BBS9: variants seen among roughly 807,000 people sequenced by gnomAD.
BBS9 encodes Bardet-Biedl syndrome 9.
Under a neutral mutation model 117.7 loss-of-function variants are expected in BBS9, and 89 were observed. That is an observed-to-expected ratio of 0.76 (90% CI 0.64 to 0.90). The LOEUF is 0.90. BBS9 is among the 40% of genes least tolerant of loss of function. The probability of loss-of-function intolerance (pLI) is 0.00; values close to 1 mark genes in which losing one functional copy is unlikely to be tolerated. For synonymous variants in BBS9, 379 were observed against 370.9 expected (o/e 1.02, Z -0.25); for missense variants, 982 against 1,042.2 (o/e 0.94, Z 0.80).
At chr7:33,482,180 G>A (rs942974768) in intron 19 of BBS9, among the ~76,000 whole-genome samples, 5 of 152,026 alleles carry the variant, frequency 3.3e-5, no homozygotes, top group Non-Finnish European at 5.9e-5. Context: ...GGAACATACT[G>A]TTTGTTCTCA....
chr7:33,530,126 C>A (rs1431121612), intron 20 of BBS9, among the ~76,000 whole-genome samples: 1 of 152,154 alleles, frequency 6.6e-6, no homozygotes, highest in Non-Finnish European at 1.5e-5. Context: ...TAACAAAACT[C>A]TCAAAGGCTC....
intron 19 of BBS9, among the ~76,000 whole-genome samples, chr7:33,498,517 A>G (rs1008562303): frequency 6.6e-6 from 1 of 151,990 alleles, no homozygotes; most frequent in African/African-American, 2.4e-5. Flanking sequence ...CCTCCTATTT[A>G]CCACCCACCC....
intron 21 of BBS9, among the ~76,000 whole-genome samples, chr7:33,566,051 T>A (rs1443621875): frequency 3.3e-5 from 5 of 151,040 alleles, no homozygotes; most frequent in African/African-American, 1.2e-4. Flanking sequence ...TATCTACAAA[T>A]GTCTATTTAA....
intron 21 of BBS9, among the ~76,000 whole-genome samples, chr7:33,625,540 T>C (rs1199381316): frequency 3.9e-5 from 6 of 152,346 alleles, no homozygotes; most frequent in Non-Finnish European, 7.3e-5. Flanking sequence ...TTTTCTTTTA[T>C]TATGTAGATT....
intron 9 of BBS9, among the ~76,000 whole-genome samples, chr7:33,328,505 C>G (rs1813303276): frequency 6.6e-6 from 1 of 152,190 alleles, no homozygotes; most frequent in African/African-American, 2.4e-5. Context: ...GCTGTGTGAA[C>G]TGAGTGTGGC....
At chr7:33,440,688 A>C (rs1177803767) in intron 19 of BBS9, among the ~76,000 whole-genome samples, 1 of 152,234 alleles carries the variant, frequency 6.6e-6, no homozygotes, top group Non-Finnish European at 1.5e-5. Context: ...GAATCACAGC[A>C]CATTAAGTTA....
chr7:33,322,437 G>A (rs1031984876), intron 9 of BBS9, among the ~76,000 whole-genome samples: 2 of 136,482 alleles, frequency 1.5e-5, no homozygotes, highest in African/African-American at 5.5e-5. Flanking sequence ...GTCTGTTTAG[G>A]TTTTGGATTT....
chr7:33,289,789 A>G (rs1279137050), intron 9 of BBS9, among the ~76,000 whole-genome samples: 1 of 152,156 alleles, frequency 6.6e-6, no homozygotes, highest in African/African-American at 2.4e-5. Context: ...CACGCCTGTA[A>G]TCCCAGCACT....
intron 17 of BBS9, among the ~76,000 whole-genome samples, chr7:33,370,645 A>G (rs1822682933): frequency 6.6e-6 from 1 of 152,210 alleles, no homozygotes; most frequent in Admixed American, 6.5e-5. Context: ...CGAGTGATTC[A>G]GTATAATGGG....
intron 3 of BBS9, among the ~76,000 whole-genome samples, chr7:33,154,573 C>G (rs1277329009): frequency 6.6e-6 from 1 of 152,162 alleles, no homozygotes; most frequent in East Asian, 1.9e-4. Flanking sequence ...TCAAGCAATT[C>G]TCCTGCCTCA....
chr7:33,471,458 C>T (rs1841027080), intron 19 of BBS9, among the ~76,000 whole-genome samples: 1 of 152,168 alleles, frequency 6.6e-6, no homozygotes, highest in Non-Finnish European at 1.5e-5. Flanking sequence ...TGACTTGTAT[C>T]CCTTGCTACA....
intron 20 of BBS9, among the ~76,000 whole-genome samples, chr7:33,513,638 A>G (rs1254671984): frequency 6.6e-6 from 1 of 152,208 alleles, no homozygotes; most frequent in African/African-American, 2.4e-5. Flanking sequence ...TTATAAGAAC[A>G]AAACCTGGTC....
intron 4 of BBS9, among the ~76,000 whole-genome samples, chr7:33,173,098 T>C (rs1235539748): frequency 6.6e-6 from 1 of 152,186 alleles, no homozygotes; most frequent in Non-Finnish European, 1.5e-5. Flanking sequence ...TAACTAAAAT[T>C]ACTGAGTTCA....
In BBS9 at chr7:33,257,270, G is replaced by A; in HGVS notation, c.477G>A (p.Gly159=). Reference sequence around the variant, plus strand: ...TAATTTGCATCCAGTCTATGGATGGGATGCTGATGGTATTTGAGCAGGAGA... The same window carrying A: ...TAATTTGCATCCAGTCTATGGATGGAATGCTGATGGTATTTGAGCAGGAGA... ...RDLICIQSMD[G]MLMVFEQESY... Residue 159 remains glycine, a synonymous_variant, in exon 6 of 23, where the codon GGG becomes GGA. Transcript: ENST00000242067. The A allele has an allele frequency of 6.2e-7, 1 of 1,613,728 alleles. No individual in the cohort carries two copies. Among genetic ancestry groups the A allele is most frequent in the Non-Finnish European group, 8.5e-7 (1 of 1,179,762 alleles).
intron 9 of BBS9, among the ~76,000 whole-genome samples, chr7:33,287,473 A>G (rs114642157): frequency 0.016 from 2,431 of 152,308 alleles, 71 homozygotes; most frequent in African/African-American, 0.056. Context: ...CATTTAAGTC[A>G]TTTTTGGAAT....
intron 19 of BBS9, among the ~76,000 whole-genome samples, chr7:33,466,388 T>A (rs1840165646): frequency 1.7e-5 from 2 of 118,850 alleles, no homozygotes; most frequent in South Asian, 6.4e-4. Flanking sequence ...TGTGAGGTCA[T>A]GCAGTATTTG....
chr7:33,291,553 G>A (rs1260895664), intron 9 of BBS9, among the ~76,000 whole-genome samples: 2 of 152,058 alleles, frequency 1.3e-5, no homozygotes, highest in East Asian at 1.9e-4. Flanking sequence ...ATCCAATTGT[G>A]AGTAGAAGTA....
chr7:33,358,260 T>C (rs1249065330), intron 16 of BBS9, among the ~76,000 whole-genome samples: 3 of 151,876 alleles, frequency 2.0e-5, no homozygotes, highest in African/African-American at 7.2e-5. Context: ...ATCAAGTGTT[T>C]CTCTTTAGAC....
intron 21 of BBS9, among the ~76,000 whole-genome samples, chr7:33,632,801 T>TA (rs769816930): frequency 3.0e-4 from 46 of 151,948 alleles, no homozygotes; most frequent in Admixed American, 7.9e-4. Context: ...TAGTTTTTTT[T>TA]AAAAAAAAGG....
Sources: gnomAD v4.1 joint callset for allele counts (sites outside exome capture counted in the v4.1 genomes callset) on GRCh38, gnomAD v4.1.1 for gene constraint, MANE v1.5 for transcripts, NCBI Gene and HGNC (gene_info 2026-07-23, HGNC 2026-07-21) for gene names.